The following EYA2 variants were observed in gnomAD, a reference collection of about 807,000 sequenced individuals.
EYA2 encodes EYA transcriptional coactivator and phosphatase 2, also known as protein phosphatase EYA2.
A neutral mutation model predicts 69.2 loss-of-function variants in EYA2; 31 were observed. The ratio of observed to expected loss-of-function variants is 0.45; its 90% CI spans 0.34 to 0.60. EYA2 has a LOEUF of 0.60. EYA2 is among the 20% of genes least tolerant of loss of function. EYA2 has a pLI of 0.02. For missense variants in EYA2, 622 were observed against 701.2 expected, an observed-to-expected ratio of 0.89 and a Z score of 1.28; for synonymous variants, 257 against 279.4, an observed-to-expected ratio of 0.92 and a Z score of 0.80.
chr20:47,074,362 TC>T, intron 7 of EYA2, 27 bp downstream of exon 7: 1 of 1,610,310 alleles, frequency 6.2e-7, no homozygotes, highest in Non-Finnish European at 8.5e-7. Context: ...GTGGGGCCAT[TC>T]ATGGCTGTGG....
rs185063139 is a variant in EYA2, at chr20:47,032,944, C to T, written c.415+16647C>T. Among the ~76,000 whole-genome samples, 7 of 152,332 alleles carry T rather than the reference C, an allele frequency of 4.6e-5. No individual in the cohort carries two copies. In the East Asian group the frequency reaches 7.7e-4, roughly 17 times the overall value. On this transcript the variant is annotated intron_variant, in intron 5 of 15. Coordinates refer to ENST00000327619, the MANE Select transcript of EYA2 (RefSeq NM_005244.5). ...GGTTGCTGCAGCCATTTGCTGTCCC[C>T]GTATGTGTCTCCCTTTGTGGCAACC... is the stretch of plus-strand genomic sequence containing the variant.
At chr20:47,023,632 G>GTTT (rs60939329) in intron 5 of EYA2, among the ~76,000 whole-genome samples, 4,017 of 89,592 alleles carry the variant, frequency 0.045, 561 homozygotes, top group African/African-American at 0.12. Flanking sequence ...GATTTTGGGT[G>GTTT]TTTTTTTTTT....
At chr20:46,973,156 T>G (rs758645983) in intron 1 of EYA2, among the ~76,000 whole-genome samples, 2 of 152,178 alleles carry the variant, frequency 1.3e-5, no homozygotes, top group Non-Finnish European at 2.9e-5. Context: ...AGAGCATTGC[T>G]GCCCTCCCCC....
intron 4 of EYA2, among the ~76,000 whole-genome samples, chr20:47,010,630 A>AG (rs948383522): frequency 8.0e-5 from 12 of 150,064 alleles, no homozygotes; most frequent in African/African-American, 2.9e-4. Context: ...TCCTGTCTCA[A>AG]AAAAAAAAGT....
At chr20:47,055,716 C>T (rs1327944031) in intron 5 of EYA2, among the ~76,000 whole-genome samples, 1 of 152,198 alleles carries the variant, frequency 6.6e-6, no homozygotes, top group Non-Finnish European at 1.5e-5. Flanking sequence ...TAACTGGCTC[C>T]TTCCTATGCA....
At chr20:46,942,098 A>G (rs1435575261) in intron 1 of EYA2, among the ~76,000 whole-genome samples, 8 of 152,190 alleles carry the variant, frequency 5.3e-5, no homozygotes, top group Non-Finnish European at 2.9e-5. Flanking sequence ...TTGGCAACGA[A>G]TGTTACTGAG....
chr20:46,902,003 GA>G, intron 1 of EYA2, among the ~76,000 whole-genome samples: 1 of 152,324 alleles, frequency 6.6e-6, no homozygotes, highest in African/African-American at 2.4e-5. Flanking sequence ...AGGGGAGAAA[GA>G]ATGCCTTAAA....
At chr20:47,116,303 G>A (rs997526168) in intron 9 of EYA2, among the ~76,000 whole-genome samples, 60 of 150,714 alleles carry the variant, frequency 4.0e-4, no homozygotes, top group African/African-American at 1.4e-3. Flanking sequence ...TCAGCCTCTC[G>A]AGTAGCTGGG....
At chr20:46,956,660 C>G (rs1357795286) in intron 1 of EYA2, among the ~76,000 whole-genome samples, 1 of 152,206 alleles carries the variant, frequency 6.6e-6, no homozygotes, top group African/African-American at 2.4e-5. Flanking sequence ...CTGGACCTAA[C>G]TGCAAGGAGA....
chr20:46,927,323 G>T (rs1488081276), intron 1 of EYA2, among the ~76,000 whole-genome samples: 3 of 152,194 alleles, frequency 2.0e-5, no homozygotes, highest in Non-Finnish European at 4.4e-5. Flanking sequence ...AGCCCCGCCG[G>T]GATCTCCCGC....
intron 1 of EYA2, among the ~76,000 whole-genome samples, chr20:46,912,858 G>A (rs6018162): frequency 0.021 from 3,134 of 151,164 alleles, 124 homozygotes; most frequent in African/African-American, 0.072. Context: ...CCGCCACCGC[G>A]CCCGGCTAAT....
intron 15 of EYA2, among the ~76,000 whole-genome samples, chr20:47,187,406 T>C (rs944328651): frequency 6.6e-6 from 1 of 151,126 alleles, no homozygotes; most frequent in East Asian, 1.9e-4. Context: ...TTGAAGCAGG[T>C]ACCACCTGCT....
chr20:47,028,876 G>A (rs1193502311), intron 5 of EYA2, among the ~76,000 whole-genome samples: 1 of 151,982 alleles, frequency 6.6e-6, no homozygotes, highest in Non-Finnish European at 1.5e-5. Flanking sequence ...ATATACCGGG[G>A]TAGCCCCACC....
intron 1 of EYA2, among the ~76,000 whole-genome samples, chr20:46,976,472 G>A (rs1419518161): frequency 4.6e-5 from 7 of 151,998 alleles, no homozygotes; most frequent in African/African-American, 1.7e-4. Flanking sequence ...TGCAAACTCC[G>A]CCTCCCGGGT....
intron 1 of EYA2, among the ~76,000 whole-genome samples, chr20:46,984,009 T>C (rs768919375): frequency 6.6e-6 from 1 of 152,128 alleles, no homozygotes; most frequent in Non-Finnish European, 1.5e-5. Flanking sequence ...AGCTGGGAGG[T>C]GCACTCAGTT....
intron 10 of EYA2, among the ~76,000 whole-genome samples, chr20:47,150,868 C>A (rs2033808981): frequency 6.6e-6 from 1 of 151,966 alleles, no homozygotes; most frequent in Non-Finnish European, 1.5e-5. Flanking sequence ...TTAACATAGT[C>A]ACTTGGCCAC....
intron 10 of EYA2, chr20:47,161,522 G>A (rs2146633763): frequency 2.3e-6 from 1 of 426,510 alleles, no homozygotes; most frequent in Non-Finnish European, 4.6e-6. Flanking sequence ...CCTTGACCAG[G>A]TGGCCCAGCT....
At chr20:47,131,479 AC>A (rs778208683) in intron 9 of EYA2, among the ~76,000 whole-genome samples, 46 of 152,288 alleles carry the variant, frequency 3.0e-4, no homozygotes, top group Non-Finnish European at 5.0e-4. Context: ...GACAAATGGC[AC>A]CCCAAAGACG....
At chr20:46,936,816 G>C (rs1442093052) in intron 1 of EYA2, among the ~76,000 whole-genome samples, 5 of 152,188 alleles carry the variant, frequency 3.3e-5, no homozygotes, top group African/African-American at 1.2e-4. Context: ...GGCCATCCCA[G>C]CTGGCACTTT....
Sources: allele counts gnomAD v4.1 joint callset (sites outside exome capture counted in the v4.1 genomes callset), GRCh38; gene constraint gnomAD v4.1.1; transcripts MANE v1.5; gene names NCBI Gene and HGNC (gene_info 2026-07-23, HGNC 2026-07-21).